ASAP1: variants seen among roughly 807,000 people sequenced by gnomAD.
ASAP1 encodes the protein arf-GAP with SH3 domain, ANK repeat and PH domain-containing protein 1.
Under a neutral mutation model 145.2 loss-of-function variants are expected in ASAP1, and 43 were observed. That is an observed-to-expected ratio of 0.30 (90% CI 0.23 to 0.38). The LOEUF is 0.38. Ranked by LOEUF, ASAP1 falls within the 10% of genes least tolerant of loss-of-function variation. The pLI, the probability that ASAP1 is intolerant of heterozygous loss-of-function variation, is 1.00. For missense variants in ASAP1, 1,018 were observed against 1,355.3 expected, an observed-to-expected ratio of 0.75 and a Z score of 3.91; for synonymous variants, 546 against 515.5, an observed-to-expected ratio of 1.06 and a Z score of -0.80.
chr8:130,372,235 C>A (rs939471539), intron 2 of ASAP1, among the ~76,000 whole-genome samples: 1 of 152,218 alleles, frequency 6.6e-6, no homozygotes, highest in Admixed American at 6.5e-5. Flanking sequence ...TCTGAAGAAG[C>A]AAATTTATTT....
At chr8:130,216,524 C>T (rs1205630329) in intron 4 of ASAP1, among the ~76,000 whole-genome samples, 1 of 152,176 alleles carries the variant, frequency 6.6e-6, no homozygotes, top group African/African-American at 2.4e-5. Flanking sequence ...GGATATCACA[C>T]TTTCTTGAGT....
In ASAP1 at chr8:130,118,597, A is replaced by G. The variant is rs748195147; in HGVS notation, c.1686T>C (p.Ala562=). 17 of 1,613,978 alleles carry G rather than the reference A, an allele frequency of 1.1e-5. No homozygotes were observed. Among genetic ancestry groups the G allele is most frequent in the Non-Finnish European group, 1.4e-5 (17 of 1,179,962 alleles). The change falls in exon 19 of 30, where the codon GCT becomes GCC. Residue 562 remains alanine (A), a synonymous_variant. Coordinates refer to ENST00000518721, the MANE Select transcript of ASAP1 (RefSeq NM_018482.4). The part of the protein sequence containing the change: ...FSRKTCSTSS[A]KLNELLEAIK... ...TGGCCTCAAGCAATTCATTTAGTTTAGCTGATGAAGTTGAACAGGTCTTCC... is the reference window on the plus strand; with the variant it reads ...TGGCCTCAAGCAATTCATTTAGTTTGGCTGATGAAGTTGAACAGGTCTTCC...
intron 2 of ASAP1, among the ~76,000 whole-genome samples, chr8:130,367,487 A>G (rs1265273689): frequency 6.6e-6 from 1 of 152,204 alleles, no homozygotes; most frequent in African/African-American, 2.4e-5. Flanking sequence ...GAAACATTTG[A>G]TAAATGGTAG....
At chr8:130,168,748 A>G (rs2136084696) in intron 10 of ASAP1, among the ~76,000 whole-genome samples, 1 of 152,322 alleles carries the variant, frequency 6.6e-6, no homozygotes, top group African/African-American at 2.4e-5. Flanking sequence ...GTAAATGCAG[A>G]ACCATCTGGA....
At chr8:130,427,088 C>A (rs1829948107) in intron 1 of ASAP1, among the ~76,000 whole-genome samples, 1 of 152,158 alleles carries the variant, frequency 6.6e-6, no homozygotes, top group Admixed American at 6.5e-5. Context: ...GACGGCAGAG[C>A]AGGAGTGGGT....
chr8:130,115,597 T>C (rs923414147), intron 23 of ASAP1, 31 bp downstream of exon 23: 3 of 1,533,948 alleles, frequency 2.0e-6, no homozygotes, highest in Non-Finnish European at 1.8e-6. Flanking sequence ...GGGGTAGTTG[T>C]TGAGAATTCG....
chr8:130,340,887 A>C, intron 3 of ASAP1: 2 of 456,158 alleles, frequency 4.4e-6, no homozygotes, highest in South Asian at 3.1e-5. Flanking sequence ...GAGGCTGACC[A>C]ATCATTGCGA....
chr8:130,187,202 A>C (rs763942906), intron 7 of ASAP1, 34 bp downstream of exon 7: 70 of 1,571,516 alleles, frequency 4.5e-5, no homozygotes, highest in Non-Finnish European at 5.9e-5. Context: ...AATATTAAAA[A>C]ACAAACAAAA....
intron 5 of ASAP1, among the ~76,000 whole-genome samples, chr8:130,210,168 A>G (rs1816490196): frequency 6.6e-6 from 1 of 152,208 alleles, no homozygotes; most frequent in African/African-American, 2.4e-5. Context: ...TACCTCAACT[A>G]AAACAATAAA....
intron 6 of ASAP1, among the ~76,000 whole-genome samples, chr8:130,187,677 C>A (rs1161685221): frequency 6.6e-6 from 1 of 152,188 alleles, no homozygotes; most frequent in Non-Finnish European, 1.5e-5. Flanking sequence ...CCGCCATGGT[C>A]TCCCAAAGTG....
chr8:130,137,092 C>T (rs992796829), intron 13 of ASAP1, 54 bp from the exon 14 acceptor site: 1 of 1,456,672 alleles, frequency 6.9e-7, no homozygotes, highest in Non-Finnish European at 9.6e-7. Flanking sequence ...CTCTTGTCTG[C>T]AGGTTCAGTG....
At chr8:130,056,299 C>T (rs932330381) in intron 29 of ASAP1, among the ~76,000 whole-genome samples, 1 of 152,224 alleles carries the variant, frequency 6.6e-6, no homozygotes, top group African/African-American at 2.4e-5. Context: ...GACTCTCTGA[C>T]AGGCTTCATG....
chr8:130,432,741 CAT>C (rs1366616783), intron 1 of ASAP1, among the ~76,000 whole-genome samples: 3 of 152,104 alleles, frequency 2.0e-5, no homozygotes, highest in African/African-American at 4.8e-5. Flanking sequence ...TTTCTTCCTA[CAT>C]GTCTCTTTTT....
rs1372244091 is a variant in ASAP1 at position 130,358,381 on chromosome 8, C to G, written c.60-238G>C. ...GGGGCCCTTCAAACTCCAAGCCGCG[C>G]GCGAGGCAGGGGGCTCTCCGGGACC... is the stretch of plus-strand genomic sequence containing the variant. On this transcript the variant is annotated intron_variant, in intron 2 of 29. Coordinates refer to ENST00000518721, the MANE Select transcript of ASAP1 (RefSeq NM_018482.4). This position sits in a 1 kb window ranked among gnomAD's most constrained non-coding sequence, Gnocchi z 4.1. 6.7e-6 allele frequency among the ~76,000 whole-genome samples: 1 copy of G among 148,322 alleles called. No individual in the cohort carries two copies. Among genetic ancestry groups the G allele is most frequent in the Non-Finnish European group, 1.5e-5 (1 of 66,450 alleles).
chr8:130,414,724 G>A (rs1829403008), intron 1 of ASAP1, among the ~76,000 whole-genome samples: 1 of 151,460 alleles, frequency 6.6e-6, no homozygotes, highest in South Asian at 2.1e-4. Context: ...TCTTATTTAT[G>A]AGGGTGGGAA....
intron 3 of ASAP1, among the ~76,000 whole-genome samples, chr8:130,246,419 C>T (rs2136787874): frequency 6.6e-6 from 1 of 152,220 alleles, no homozygotes; most frequent in South Asian, 2.1e-4. Flanking sequence ...CCCCACATGT[C>T]AGGGAAGGGG....
intron 9 of ASAP1, among the ~76,000 whole-genome samples, chr8:130,178,668 G>A (rs72722365): frequency 0.29 from 43,849 of 152,130 alleles, 7,200 homozygotes; most frequent in East Asian, 0.59. Context: ...GGTGGATCGC[G>A]AGGTCAGGAG....
chr8:130,375,651 T>C (rs539306747), intron 2 of ASAP1, among the ~76,000 whole-genome samples: 2 of 152,200 alleles, frequency 1.3e-5, no homozygotes, highest in South Asian at 2.1e-4. Flanking sequence ...CAGCAAGAAA[T>C]GGAGGGCAAA....
At chr8:130,120,593 T>G (rs1168973477) in intron 18 of ASAP1, among the ~76,000 whole-genome samples, 2 of 152,208 alleles carry the variant, frequency 1.3e-5, no homozygotes, top group Non-Finnish European at 1.5e-5. Flanking sequence ...GATCTTAGAT[T>G]ACTGTTTCCA....
Sources: allele counts gnomAD v4.1 joint callset (sites outside exome capture counted in the v4.1 genomes callset), GRCh38; gene constraint gnomAD v4.1.1; non-coding constraint Gnocchi (gnomAD v3.1); transcripts MANE v1.5; gene names NCBI Gene and HGNC (gene_info 2026-07-23, HGNC 2026-07-21).